ERCC6L2: variants seen among roughly 807,000 people sequenced by gnomAD.
The protein encoded by ERCC6L2 is ERCC excision repair 6 like 2, also known as DNA excision repair protein ERCC-6-like 2.
In ERCC6L2, 77 loss-of-function variants were observed where a neutral mutation model predicts 132.0. The observed-to-expected ratio is 0.58, with a 90% CI of 0.49 to 0.71. The LOEUF is 0.71. ERCC6L2 is among the 30% of genes least tolerant of loss of function. The pLI is 0.00. For missense variants in ERCC6L2, 1,542 were observed against 1,837.6 expected (o/e 0.84, Z 2.94); for synonymous variants, 583 against 632.4 (o/e 0.92, Z 1.17).
At chr9:95,940,365 T>C (rs1587943034) in intron 11 of ERCC6L2, among the ~76,000 whole-genome samples, 2 of 152,282 alleles carry the variant, frequency 1.3e-5, no homozygotes, top group African/African-American at 4.8e-5. Context: ...TTTTATAGTC[T>C]GTGACTTTCG....
At chr9:95,956,909 CAT>C (rs1303028345) in intron 13 of ERCC6L2, among the ~76,000 whole-genome samples, 2 of 152,126 alleles carry the variant, frequency 1.3e-5, no homozygotes, top group Admixed American at 6.6e-5. Flanking sequence ...GGTAGATATT[CAT>C]ATGTTACCAT....
At chr9:96,033,842 C>T (rs1190444397) in intron 19 of ERCC6L2, among the ~76,000 whole-genome samples, 1 of 152,172 alleles carries the variant, frequency 6.6e-6, no homozygotes, top group African/African-American at 2.4e-5. Flanking sequence ...TGGGCTGTGC[C>T]TGGTCAAAGG....
intron 19 of ERCC6L2, among the ~76,000 whole-genome samples, chr9:96,028,130 C>T (rs947940679): frequency 2.6e-5 from 4 of 152,150 alleles, no homozygotes; most frequent in Admixed American, 1.3e-4. Context: ...ACGGCGCTTC[C>T]TGAAGGGTCA....
chr9:95,952,197 A>C (rs1831369046), intron 12 of ERCC6L2, among the ~76,000 whole-genome samples: 1 of 144,742 alleles, frequency 6.9e-6, no homozygotes, highest in Non-Finnish European at 1.5e-5. Flanking sequence ...AATTTGCACC[A>C]ATCCTTCTCA....
At chr9:95,963,473 T>TTATGCATTCTAAACACTCAGTTG in intron 13 of ERCC6L2, among the ~76,000 whole-genome samples, 1 of 152,162 alleles carries the variant, frequency 6.6e-6, no homozygotes, top group South Asian at 2.1e-4. Context: ...AAAACCAGTT[T>TTATGCATTCTAAACACTCAGTTG]TATGCATTCT....
At chr9:95,955,446 C>G (rs1440313908) in intron 12 of ERCC6L2, among the ~76,000 whole-genome samples, 1 of 151,728 alleles carries the variant, frequency 6.6e-6, no homozygotes, top group Non-Finnish European at 1.5e-5. Flanking sequence ...ATAAACATAC[C>G]CATCATCCCA....
In ERCC6L2 at chr9:95,953,449, A is replaced by G. The variant is rs540233920; in HGVS notation, c.1848-2465A>G. 1.4e-3 allele frequency among the ~76,000 whole-genome samples: 212 copies of G among 151,862 alleles called. 1 individual carries two copies. The highest frequency in any genetic ancestry group is 4.9e-3 in the African/African-American group (203 of 41,420). Reference sequence around the variant, plus strand: ...AAAATAGCTGGGCGTGGTGGTGGGCACCTGTAGTCCCAGCTACTTGGGAGG... The same window carrying G: ...AAAATAGCTGGGCGTGGTGGTGGGCGCCTGTAGTCCCAGCTACTTGGGAGG... On this transcript the variant is annotated intron_variant, in intron 12 of 18. Coordinates refer to ENST00000653738, the MANE Select transcript of ERCC6L2 (RefSeq NM_020207.7).
At chr9:95,950,036 A>G (rs1831257743) in intron 12 of ERCC6L2, among the ~76,000 whole-genome samples, 1 of 151,942 alleles carries the variant, frequency 6.6e-6, no homozygotes, top group Admixed American at 6.6e-5. Context: ...AAAAAATCCT[A>G]AAGGGAGAAC....
intron 12 of ERCC6L2, chr9:95,954,909 G>T (rs1411023226): frequency 2.1e-6 from 1 of 470,792 alleles, no homozygotes; most frequent in Non-Finnish European, 4.4e-6. Context: ...AAAGTCCATT[G>T]TGAGGAGGGA....
intron 12 of ERCC6L2, among the ~76,000 whole-genome samples, chr9:95,948,932 G>A (rs1325493739): frequency 6.6e-6 from 1 of 151,970 alleles, no homozygotes; most frequent in Non-Finnish European, 1.5e-5. Context: ...TACAACAAGT[G>A]TCTTAAATAC....
chr9:95,997,473 A>C (rs1169851040), intron 17 of ERCC6L2, among the ~76,000 whole-genome samples: 1 of 152,244 alleles, frequency 6.6e-6, no homozygotes, highest in Non-Finnish European at 1.5e-5. Context: ...ACTCTATCCT[A>C]GTGAAGATGC....
At chr9:95,950,715 C>T (rs1460125830) in intron 12 of ERCC6L2, among the ~76,000 whole-genome samples, 1 of 152,154 alleles carries the variant, frequency 6.6e-6, no homozygotes, top group Non-Finnish European at 1.5e-5. Context: ...ACAAAATAGA[C>T]TTCAAGTCGA....
intron 2 of ERCC6L2, 86 bp from the exon 3 acceptor site, chr9:95,897,763 C>A: frequency 7.6e-7 from 1 of 1,321,008 alleles, no homozygotes; most frequent in Non-Finnish European, 1.1e-6. Context: ...CATACTTTGT[C>A]ACTAATTGAA....
At chr9:95,958,028 T>A (rs1252332774) in intron 13 of ERCC6L2, among the ~76,000 whole-genome samples, 1 of 69,878 alleles carries the variant, frequency 1.4e-5, no homozygotes, top group Non-Finnish European at 2.6e-5. Flanking sequence ...CCCTCCCCCC[T>A]CCCCCCACCC....
intron 19 of ERCC6L2, among the ~76,000 whole-genome samples, chr9:96,027,335 G>A (rs1035275006): frequency 2.0e-5 from 3 of 152,164 alleles, no homozygotes; most frequent in Non-Finnish European, 2.9e-5. Flanking sequence ...CTGGGGAACC[G>A]GGAAGGCTGA....
chr9:96,015,117 C>G lies in ERCC6L2; in HGVS notation c.*1914C>G, dbSNP rs752717613. Among the ~76,000 whole-genome samples the G allele has an allele frequency of 1.7e-4, 25 of 147,458 alleles. No homozygotes were observed. Among genetic ancestry groups the G allele is most frequent in the Non-Finnish European group, 2.7e-4 (18 of 67,070 alleles). On this transcript the variant is annotated 3_prime_UTR_variant, in exon 19 of 19. Transcript: ENST00000653738. ...GGCTCACTGCAACCTCCACCTCCCT[C>G]CCAAACAACTCTTATGCCTCAGCCT...
At chr9:96,011,983 A>G (rs1416535117) in intron 18 of ERCC6L2, among the ~76,000 whole-genome samples, 1 of 152,226 alleles carries the variant, frequency 6.6e-6, no homozygotes, top group East Asian at 1.9e-4. Context: ...ATATAATAGC[A>G]TAAATCAAAA....
chr9:95,880,551 C>T (rs960345481), intron 1 of ERCC6L2, among the ~76,000 whole-genome samples: 2 of 152,050 alleles, frequency 1.3e-5, no homozygotes, highest in African/African-American at 2.4e-5. Flanking sequence ...ACCAGATGCC[C>T]GTGACCCCTA....
Position 95,948,778 on chromosome 9 carries a change from C to T in ERCC6L2, c.1848-7136C>T, listed in dbSNP as rs11534227. Among the ~76,000 whole-genome samples the T allele has an allele frequency of 2.6e-3, 344 of 134,808 alleles. 11 individuals are homozygous for T. The East Asian group carries it at 0.053, about 21-fold the overall frequency. 88.4% of individuals were successfully genotyped at this position (134,808 alleles called of 152,430 possible). A position where few individuals can be genotyped will look rare whatever the true frequency, so the allele number is the denominator to read the frequency against. Reference sequence around the variant, plus strand: ...CCAAATGGTAGTTTTCAAGAAAAGACCACAAGACATTAGAAAAAAAAAAAA... The same window carrying T: ...CCAAATGGTAGTTTTCAAGAAAAGATCACAAGACATTAGAAAAAAAAAAAA... On this transcript the variant is annotated intron_variant, in intron 12 of 18. Coordinates refer to ENST00000653738, the MANE Select transcript of ERCC6L2 (RefSeq NM_020207.7).
Sources: allele counts gnomAD v4.1 joint callset (sites outside exome capture counted in the v4.1 genomes callset), GRCh38; gene constraint gnomAD v4.1.1; transcripts MANE v1.5; gene names NCBI Gene and HGNC (gene_info 2026-07-23, HGNC 2026-07-21).